The following AFG2A variants were observed in gnomAD, a reference collection of about 807,000 sequenced individuals.
AFG2A encodes AAA ATPase AFG2A.
the AFG2A span, among the ~76,000 whole-genome samples, chr4:123,281,113 T>G: frequency 6.6e-6 from 1 of 152,128 alleles, no homozygotes; most frequent in Non-Finnish European, 1.5e-5. Flanking sequence ...TTTATTTAAA[T>G]TGATATAGTT....
At chr4:123,113,053 T>C in the AFG2A span, among the ~76,000 whole-genome samples, 1 of 152,238 alleles carries the variant, frequency 6.6e-6, no homozygotes, top group African/African-American at 2.4e-5. Context: ...TATAAATATT[T>C]GATGAGTATC....
the AFG2A span, among the ~76,000 whole-genome samples, chr4:123,124,363 A>C: frequency 6.6e-6 from 1 of 151,888 alleles, no homozygotes; most frequent in East Asian, 1.9e-4. Context: ...CTGGAAACCA[A>C]CATTCTCAGC....
At chr4:122,988,388 T>C in the AFG2A span, among the ~76,000 whole-genome samples, 1 of 131,978 alleles carries the variant, frequency 7.6e-6, no homozygotes, top group African/African-American at 2.7e-5. Context: ...TGGGAAATTT[T>C]CTGTCATTCT....
At chr4:123,242,211 T>C in the AFG2A span, among the ~76,000 whole-genome samples, 2 of 152,232 alleles carry the variant, frequency 1.3e-5, no homozygotes, top group Admixed American at 6.5e-5. Context: ...TTCAATGCTA[T>C]CTCCATCAAG....
At chr4:123,179,765 T>C in the AFG2A span, among the ~76,000 whole-genome samples, 2 of 152,230 alleles carry the variant, frequency 1.3e-5, no homozygotes, top group African/African-American at 2.4e-5. Flanking sequence ...ATAAATATCA[T>C]CCCTTTGACA....
the AFG2A span, among the ~76,000 whole-genome samples, chr4:123,194,292 AAAT>A: frequency 6.6e-6 from 1 of 152,198 alleles, no homozygotes; most frequent in Non-Finnish European, 1.5e-5. Context: ...ATAAAAAACA[AAAT>A]AACTCTGACG....
the AFG2A span, chr4:123,315,537 G>A: frequency 4.6e-5 from 7 of 151,976 alleles, no homozygotes; most frequent in East Asian, 7.7e-4. Context: ...TTCTAAATAT[G>A]TATATTTATG....
At chr4:123,258,903 G>A in the AFG2A span, among the ~76,000 whole-genome samples, 1 of 107,880 alleles carries the variant, frequency 9.3e-6, no homozygotes, top group African/African-American at 3.7e-5. Context: ...TTTCGCCCTT[G>A]TATCCCAGGC....
chr4:123,085,622 A>G, the AFG2A span, among the ~76,000 whole-genome samples: 9 of 81,306 alleles, frequency 1.1e-4, no homozygotes, highest in African/African-American at 3.4e-4. Context: ...TGTAGGCAAT[A>G]TATAGTTAGG....
the AFG2A span, chr4:122,937,974 T>C: frequency 1.3e-6 from 1 of 746,146 alleles, no homozygotes; most frequent in Non-Finnish European, 2.0e-6. Context: ...CTAGAATGAA[T>C]CTAAGGATTT....
At chr4:123,176,858 G>A in the AFG2A span, among the ~76,000 whole-genome samples, 9 of 152,238 alleles carry the variant, frequency 5.9e-5, 1 homozygote, top group Middle Eastern at 0.014. Flanking sequence ...GGGGGAAGGG[G>A]GAGGAGGAGG....
the AFG2A span, among the ~76,000 whole-genome samples, chr4:123,212,494 C>T: frequency 6.6e-6 from 1 of 151,970 alleles, no homozygotes; most frequent in African/African-American, 2.4e-5. Context: ...AAAGAAACAC[C>T]GTAAGAACAT....
the AFG2A span, chr4:123,255,934 C>G: frequency 6.6e-7 from 1 of 1,520,582 alleles, no homozygotes; most frequent in South Asian, 1.2e-5. Context: ...CGTGAAATTC[C>G]AGACATCTTT....
At chr4:123,044,295 A>G in the AFG2A span, among the ~76,000 whole-genome samples, 1 of 152,162 alleles carries the variant, frequency 6.6e-6, no homozygotes, top group Non-Finnish European at 1.5e-5. Flanking sequence ...TTAATCATTT[A>G]TCTTCTTCAA....
At chr4:123,250,298 T>C in the AFG2A span, among the ~76,000 whole-genome samples, 1 of 152,190 alleles carries the variant, frequency 6.6e-6, no homozygotes, top group Non-Finnish European at 1.5e-5. Context: ...CCAGATGTTT[T>C]GAGTCCTTGA....
chr4:123,036,472 A>C, the AFG2A span, among the ~76,000 whole-genome samples: 1 of 152,144 alleles, frequency 6.6e-6, no homozygotes, highest in Non-Finnish European at 1.5e-5. Context: ...ATGGATTTGT[A>C]GCTCAAGAGG....
the AFG2A span, among the ~76,000 whole-genome samples, chr4:123,249,407 C>A: frequency 6.6e-6 from 1 of 152,124 alleles, no homozygotes; most frequent in Admixed American, 6.5e-5. Context: ...AGCTCCTTTT[C>A]TTTTCTCACA....
At chr4:123,101,129 A>T in the AFG2A span, among the ~76,000 whole-genome samples, 1 of 151,940 alleles carries the variant, frequency 6.6e-6, no homozygotes, top group African/African-American at 2.4e-5. Flanking sequence ...GAATTTATAT[A>T]GCTTTCTTTT....
At chr4:123,137,521 C>T in the AFG2A span, among the ~76,000 whole-genome samples, 1 of 152,164 alleles carries the variant, frequency 6.6e-6, no homozygotes, top group Non-Finnish European at 1.5e-5. Flanking sequence ...CACAATCAAT[C>T]CACTTTTCTT....
Sources: allele counts gnomAD v4.1 joint callset (sites outside exome capture counted in the v4.1 genomes callset), GRCh38; gene constraint gnomAD v4.1.1; transcripts MANE v1.5; gene names NCBI Gene and HGNC (gene_info 2026-07-23, HGNC 2026-07-21).